The following FBXL7 variants were observed in gnomAD, a reference collection of about 807,000 sequenced individuals.
FBXL7 encodes F-box/LRR-repeat protein 7.
In FBXL7, 12 loss-of-function variants were observed where a neutral mutation model predicts 38.3. The ratio of observed to expected loss-of-function variants is 0.31; its 90% CI spans 0.20 to 0.51. The LOEUF is 0.51. FBXL7 is among the 20% of genes least tolerant of loss of function. The probability of loss-of-function intolerance (pLI) is 0.98; values close to 1 mark genes in which losing one functional copy is unlikely to be tolerated. For synonymous variants in FBXL7, 297 were observed against 300.9 expected (o/e 0.99, Z 0.13); for missense variants, 567 against 676.4 (o/e 0.84, Z 1.79).
chr5:15,604,646 C>A (rs965122743), intron 1 of FBXL7, among the ~76,000 whole-genome samples: 1 of 152,218 alleles, frequency 6.6e-6, no homozygotes, highest in Non-Finnish European at 1.5e-5. Context: ...TGAGCCACCA[C>A]GCCCAACAGA....
At chr5:15,587,865 A>G (rs180985121) in intron 1 of FBXL7, among the ~76,000 whole-genome samples, 102 of 152,222 alleles carry the variant, frequency 6.7e-4, no homozygotes, top group Non-Finnish European at 1.2e-3. Context: ...TAAATAGGAT[A>G]TTTTTCTAGC....
At chr5:15,918,487 C>G (rs940426319) in intron 2 of FBXL7, among the ~76,000 whole-genome samples, 2 of 152,166 alleles carry the variant, frequency 1.3e-5, no homozygotes, top group Admixed American at 6.5e-5. Context: ...CATTGATATA[C>G]TTATGGATTT....
chr5:15,647,514 T>G (rs986118311), intron 2 of FBXL7, among the ~76,000 whole-genome samples: 1 of 152,194 alleles, frequency 6.6e-6, no homozygotes, highest in African/African-American at 2.4e-5. Context: ...GTTTGATGGC[T>G]AGGGGAGTGG....
At chr5:15,556,910 A>G (rs1217491803) in intron 1 of FBXL7, among the ~76,000 whole-genome samples, 4 of 152,330 alleles carry the variant, frequency 2.6e-5, no homozygotes, top group African/African-American at 7.2e-5. Flanking sequence ...GCCAGAACCA[A>G]TCATCAAGGT....
intron 2 of FBXL7, among the ~76,000 whole-genome samples, chr5:15,731,590 TG>T (rs1048505461): frequency 6.6e-6 from 1 of 151,676 alleles, no homozygotes; most frequent in Non-Finnish European, 1.5e-5. Context: ...TGCTTTGGGA[TG>T]AAAAAAAAAT....
Position 15,882,681 on chromosome 5 carries a change from T to A in FBXL7, c.128-45209T>A, listed in dbSNP as rs996079494. ...TCTTATGAAGCCAAATGGCCTTTAA[T>A]GCAAGAAACCACAATCTCTTCTCAA... On this transcript the variant is annotated intron_variant, in intron 2 of 3. Coordinates refer to ENST00000504595, the MANE Select transcript of FBXL7 (RefSeq NM_012304.5). Among the ~76,000 whole-genome samples, 5 of 152,192 alleles carry A rather than the reference T, an allele frequency of 3.3e-5. No individual in the cohort carries two copies. The South Asian group carries it at 6.2e-4, about 19-fold the overall frequency.
intron 2 of FBXL7, among the ~76,000 whole-genome samples, chr5:15,916,436 G>A (rs2126436460): frequency 6.6e-6 from 1 of 152,264 alleles, no homozygotes; most frequent in African/African-American, 2.4e-5. Flanking sequence ...AATTGCTGAA[G>A]CCTTGTGGGC....
chr5:15,613,363 C>A (rs1257809700), intron 1 of FBXL7, among the ~76,000 whole-genome samples: 4 of 152,154 alleles, frequency 2.6e-5, no homozygotes, highest in Non-Finnish European at 5.9e-5. Context: ...GCCCAGTCTG[C>A]CATGTCAACC....
intron 2 of FBXL7, among the ~76,000 whole-genome samples, chr5:15,854,286 G>A (rs945787011): frequency 3.9e-5 from 6 of 152,016 alleles, no homozygotes; most frequent in South Asian, 2.1e-4. Context: ...GTGTACATAC[G>A]GTAATTGACT....
intron 2 of FBXL7, among the ~76,000 whole-genome samples, chr5:15,778,416 G>A (rs1319913275): frequency 6.6e-6 from 1 of 151,972 alleles, no homozygotes; most frequent in Non-Finnish European, 1.5e-5. Flanking sequence ...AGTTCTCAAC[G>A]CTGGGTGCAC....
chr5:15,794,279 A>G (rs1348256604), intron 2 of FBXL7, among the ~76,000 whole-genome samples: 1 of 152,232 alleles, frequency 6.6e-6, no homozygotes, highest in African/African-American at 2.4e-5. Flanking sequence ...TTTCCATAGT[A>G]TTTTACATTG....
At chr5:15,628,453 TTAGTC>T (rs1740889165) in intron 2 of FBXL7, among the ~76,000 whole-genome samples, 1 of 152,146 alleles carries the variant, frequency 6.6e-6, no homozygotes, top group South Asian at 2.1e-4. Flanking sequence ...CCTGAAATCT[TTAGTC>T]AAGTCTATGA....
In FBXL7 at chr5:15,512,084, CTG is replaced by C. The variant is rs111935042; in HGVS notation, c.37+11372_37+11373del. Among the ~76,000 whole-genome samples, 227 of 152,292 alleles carry C rather than the reference CTG, an allele frequency of 1.5e-3. 1 individual carries two copies. Among genetic ancestry groups the C allele is most frequent in the African/African-American group, 5.4e-3 (225 of 41,584 alleles). On this transcript the variant is annotated intron_variant, in intron 1 of 3. Transcript: ENST00000504595. Reference sequence around the variant, plus strand: ...GAAGATCAGAGAATCAGCTCTAAAACTGGGGACCCTCAGCATCACCGGAGTCT... The same window carrying C: ...GAAGATCAGAGAATCAGCTCTAAAACGGGACCCTCAGCATCACCGGAGTCT...
chr5:15,781,432 A>AGT lies in FBXL7; in HGVS notation c.128-146442_128-146441dup, dbSNP rs139787474. Among the ~76,000 whole-genome samples the AGT allele has an allele frequency of 3.8e-3, 544 of 143,746 alleles. 3 individuals carry two copies. The highest frequency in any genetic ancestry group is 8.0e-3 in the African/African-American group (319 of 39,898). The allele number at this position is 143,746 out of a possible 152,430, so 94.3% of individuals were successfully genotyped here. A position where few individuals can be genotyped will look rare whatever the true frequency, so the allele number is the denominator to read the frequency against. The stretch of plus-strand genomic sequence containing the variant: ...GGATGGGGAAAGGAGAAATTGTGTG[A>AGT]GTGTGTGTGTGTGTGTGCGCGCGCG... On this transcript the variant is annotated intron_variant, in intron 2 of 3. Coordinates refer to ENST00000504595, the MANE Select transcript of FBXL7 (RefSeq NM_012304.5).
chr5:15,905,358 G>A (rs1413116543), intron 2 of FBXL7, among the ~76,000 whole-genome samples: 1 of 152,034 alleles, frequency 6.6e-6, no homozygotes, highest in Non-Finnish European at 1.5e-5. Context: ...TACCAAAGAG[G>A]ACTAATCTAT....
chr5:15,614,436 A>G (rs1740373447), intron 1 of FBXL7, among the ~76,000 whole-genome samples: 1 of 151,760 alleles, frequency 6.6e-6, no homozygotes, highest in Admixed American at 6.6e-5. Flanking sequence ...TGCCTGGCTA[A>G]TTTTTCTATT....
At chr5:15,567,373 T>C (rs2126445714) in intron 1 of FBXL7, among the ~76,000 whole-genome samples, 1 of 152,220 alleles carries the variant, frequency 6.6e-6, no homozygotes, top group African/African-American at 2.4e-5. Context: ...AGATATTTGT[T>C]TTTTCTTCCA....
chr5:15,542,932 G>T (rs1298922227), intron 1 of FBXL7, among the ~76,000 whole-genome samples: 1 of 152,132 alleles, frequency 6.6e-6, no homozygotes, highest in Non-Finnish European at 1.5e-5. Context: ...AAGCAGGTTG[G>T]GGAATCAGGC....
intron 2 of FBXL7, among the ~76,000 whole-genome samples, chr5:15,764,646 T>C (rs1430202222): frequency 6.6e-6 from 1 of 152,254 alleles, no homozygotes; most frequent in Non-Finnish European, 1.5e-5. Context: ...TTTCACTTAT[T>C]AAATGCATGG....
Sources: allele counts gnomAD v4.1 joint callset (sites outside exome capture counted in the v4.1 genomes callset), GRCh38; gene constraint gnomAD v4.1.1; transcripts MANE v1.5; gene names NCBI Gene and HGNC (gene_info 2026-07-23, HGNC 2026-07-21).